Variants in TXLNB observed in about 807,000 individuals in gnomAD.
TXLNB encodes the protein beta-taxilin.
Under a neutral mutation model 57.4 loss-of-function variants are expected in TXLNB, and 37 were observed. That is an observed-to-expected ratio of 0.64 (90% CI 0.50 to 0.85). TXLNB has a LOEUF of 0.85. TXLNB is among the 40% of genes least tolerant of loss of function. TXLNB has a pLI of 0.00. For missense variants in TXLNB, 848 were observed against 825.6 expected (o/e 1.03, Z -0.33); for synonymous variants, 302 against 309.6 (o/e 0.98, Z 0.26).
chr6:139,193,851 T>A, the TXLNB span, among the ~76,000 whole-genome samples: 142 of 104,394 alleles, frequency 1.4e-3, 1 homozygote, highest in African/African-American at 3.8e-3. Context: ...TTTTTTTTTT[T>A]TTTTTTTTGA....
At chr6:139,173,423 G>A in the TXLNB span, among the ~76,000 whole-genome samples, 1 of 152,184 alleles carries the variant, frequency 6.6e-6, no homozygotes, top group African/African-American at 2.4e-5. Context: ...CCTAAGTACT[G>A]TAGATGGAAC....
chr6:139,214,104 G>T, the TXLNB span, among the ~76,000 whole-genome samples: 2 of 152,158 alleles, frequency 1.3e-5, no homozygotes, highest in Non-Finnish European at 1.5e-5. Context: ...TAGAAAAAGA[G>T]GGAATCCTCC....
downstream of TXLNB, among the ~76,000 whole-genome samples, chr6:139,238,527 C>T (rs115526978): frequency 6.6e-6 from 1 of 152,266 alleles, no homozygotes; most frequent in African/African-American, 2.4e-5. Context: ...GTGACAGAAG[C>T]TAGCATTTGT....
Position 139,244,624 on chromosome 6 carries a change from T to C in TXLNB, c.1237A>G (p.Asn413Asp), listed in dbSNP as rs763747924. The C allele has an allele frequency of 1.9e-6, 3 of 1,613,826 alleles. No individual in the cohort carries two copies. In the Admixed American group the frequency reaches 5.0e-5, roughly 27 times the overall value. Residue 413 changes from asparagine to aspartate, a missense_variant, in exon 9 of 10, where the codon AAC becomes GAC. Physicochemically the swap from Asn to Asp is conservative, Grantham distance 23. Transcript: ENST00000358430. ...TCAATCATGTCCAACAGAGCTTTGT[T>C]ACAGTTCTCAAATCGGGCTTTCCAT... ...ATWKARFENC[N>D]KALLDMIEEK...
the TXLNB span, among the ~76,000 whole-genome samples, chr6:139,183,784 A>G: frequency 6.6e-6 from 1 of 152,194 alleles, no homozygotes; most frequent in Non-Finnish European, 1.5e-5. Flanking sequence ...CTGCTCCAGC[A>G]CAGATACTTC....
At position 139,270,442 on chromosome 6, in the gene TXLNB, G is replaced by A; in HGVS notation, c.687+14C>T. ...ATTCAAGAAATTATGTTATTCTGAG[G>A]CATGGGGACATACCTTCAGAGTCTT... On this transcript the variant is annotated intron_variant, in intron 4 of 9. Transcript: ENST00000358430. 6.2e-7 allele frequency: 1 copy of A among 1,609,660 alleles called. No homozygotes were observed. Among genetic ancestry groups the A allele is most frequent in the Non-Finnish European group, 8.5e-7 (1 of 1,178,154 alleles).
chr6:139,250,176 G>GC (rs1776162782), intron 7 of TXLNB, among the ~76,000 whole-genome samples: 2 of 123,860 alleles, frequency 1.6e-5, no homozygotes, highest in Non-Finnish European at 3.3e-5. Context: ...CCCATGTCTG[G>GC]CTTTTTTTTT....
At position 139,288,481 on chromosome 6, in the gene TXLNB, CCTTTTAGGAT is replaced by C. The variant is rs1222881001; in HGVS notation, c.409_418del (p.Ile137AspfsTer2). ...ATTTGAACATAACTACTTGCCTAAT[CCTTTTAGGAT>C]TTTCTTTTCCAATTTTTGCTCCTTA... is the stretch of plus-strand genomic sequence containing the variant. On this transcript the variant is annotated frameshift_variant, in exon 2 of 10. Transcript: ENST00000358430. LOFTEE classifies it high-confidence loss of function. 10 of 1,613,780 alleles carry C rather than the reference CCTTTTAGGAT, an allele frequency of 6.2e-6. No homozygotes were observed. The highest frequency in any genetic ancestry group is 5.3e-5 in the African/African-American group (4 of 74,862).
At chr6:139,299,763 C>G in the TXLNB span, among the ~76,000 whole-genome samples, 1 of 151,962 alleles carries the variant, frequency 6.6e-6, no homozygotes, top group Non-Finnish European at 1.5e-5. Flanking sequence ...TGATACTAGA[C>G]AGGACTTAGA....
At chr6:139,243,345 C>G in intron 9 of TXLNB, 31 bp from the exon 10 acceptor site, 1 of 1,572,208 alleles carries the variant, frequency 6.4e-7, no homozygotes, top group Non-Finnish European at 8.6e-7. Flanking sequence ...CACATACACA[C>G]ACAGATGAAA....
chr6:139,217,434 C>T, the TXLNB span, among the ~76,000 whole-genome samples: 1 of 152,100 alleles, frequency 6.6e-6, no homozygotes, highest in Non-Finnish European at 1.5e-5. Flanking sequence ...AAAATAAGAG[C>T]TAATGTAAAT....
At chr6:139,211,239 C>T in the TXLNB span, among the ~76,000 whole-genome samples, 29 of 152,286 alleles carry the variant, frequency 1.9e-4, no homozygotes, top group Admixed American at 5.9e-4. Flanking sequence ...CGAGTAGGGG[C>T]GGACTGACAC....
At chr6:139,234,771 T>C in the TXLNB span, among the ~76,000 whole-genome samples, 1 of 152,024 alleles carries the variant, frequency 6.6e-6, no homozygotes, top group African/African-American at 2.4e-5. Flanking sequence ...CACCGCCTAG[T>C]GGAGCGTGGA....
the TXLNB span, among the ~76,000 whole-genome samples, chr6:139,194,252 A>T: frequency 6.6e-6 from 1 of 152,176 alleles, no homozygotes; most frequent in African/African-American, 2.4e-5. Context: ...ATCTTCTCAC[A>T]TTCTATTGGT....
At chr6:139,210,349 C>A in the TXLNB span, among the ~76,000 whole-genome samples, 3 of 152,134 alleles carry the variant, frequency 2.0e-5, no homozygotes, top group Non-Finnish European at 4.4e-5. Flanking sequence ...ATCTAGCAAT[C>A]CCACTACTGG....
the TXLNB span, among the ~76,000 whole-genome samples, chr6:139,175,787 T>C: frequency 7.2e-5 from 11 of 152,232 alleles, no homozygotes; most frequent in Non-Finnish European, 1.6e-4. Context: ...ATTATTTCCA[T>C]GTCTTTAGGA....
chr6:139,314,831 C>T, the TXLNB span, among the ~76,000 whole-genome samples: 1 of 152,146 alleles, frequency 6.6e-6, no homozygotes, highest in Admixed American at 6.5e-5. Context: ...CATTCCTGGG[C>T]GTAGGGCGAA....
chr6:139,303,506 A>G, the TXLNB span, among the ~76,000 whole-genome samples: 2 of 152,170 alleles, frequency 1.3e-5, no homozygotes, highest in Admixed American at 1.3e-4. Flanking sequence ...TCTTTCTGGA[A>G]AACCTTCTAA....
At chr6:139,291,707 C>T (rs961835182) in intron 1 of TXLNB, among the ~76,000 whole-genome samples, 2 of 152,178 alleles carry the variant, frequency 1.3e-5, no homozygotes, top group East Asian at 1.9e-4. Flanking sequence ...GCCTTATTTT[C>T]CCCTCCCCAG....
Sources: allele counts gnomAD v4.1 joint callset (sites outside exome capture counted in the v4.1 genomes callset), GRCh38; gene constraint gnomAD v4.1.1; transcripts MANE v1.5; gene names NCBI Gene and HGNC (gene_info 2026-07-23, HGNC 2026-07-21).